The following ADGRL2 variants were observed in gnomAD, a reference collection of about 807,000 sequenced individuals.
ADGRL2 encodes adhesion G protein-coupled receptor L2, also known as calcium-independent alpha-latrotoxin receptor 2.
In ADGRL2, 44 loss-of-function variants were observed where a neutral mutation model predicts 157.4. That is an observed-to-expected ratio of 0.28 (90% CI 0.22 to 0.36). ADGRL2 has a LOEUF of 0.36. ADGRL2 is among the 10% of genes least tolerant of loss of function. The probability of loss-of-function intolerance (pLI) is 1.00; values close to 1 mark genes in which losing one functional copy is unlikely to be tolerated. For synonymous variants in ADGRL2, 585 were observed against 624.7 expected, an observed-to-expected ratio of 0.94 and a Z score of 0.95; for missense variants, 1,510 against 1,768.9, an observed-to-expected ratio of 0.85 and a Z score of 2.63.
chr1:81,352,300 A>C (rs1362219843), intron 1 of ADGRL2, among the ~76,000 whole-genome samples: 1 of 152,196 alleles, frequency 6.6e-6, no homozygotes, highest in Non-Finnish European at 1.5e-5. Flanking sequence ...CCTGAGTTTT[A>C]GTTTCTGAAA....
At chr1:81,656,436 A>G (rs955760499) in intron 3 of ADGRL2, among the ~76,000 whole-genome samples, 1 of 152,118 alleles carries the variant, frequency 6.6e-6, no homozygotes. Context: ...CAAGATTCAC[A>G]TTTTTGCCCA....
intron 3 of ADGRL2, among the ~76,000 whole-genome samples, chr1:81,684,443 G>T (rs1264910929): frequency 3.9e-5 from 6 of 152,062 alleles, no homozygotes; most frequent in Non-Finnish European, 1.5e-5. Flanking sequence ...TTTGAGAATT[G>T]TCTATTCATG....
chr1:81,882,965 A>C (rs2094026251), intron 2 of ADGRL2, among the ~76,000 whole-genome samples: 1 of 152,160 alleles, frequency 6.6e-6, no homozygotes, highest in South Asian at 2.1e-4. Flanking sequence ...TAAAGTTTTA[A>C]ATGTAGCTAT....
chr1:81,535,919 A>G (rs924300856), intron 2 of ADGRL2, among the ~76,000 whole-genome samples: 1 of 152,210 alleles, frequency 6.6e-6, no homozygotes, highest in Non-Finnish European at 1.5e-5. Context: ...CATCATGGAC[A>G]TTCTAAATGT....
chr1:81,928,290 C>G (rs1177337339), intron 3 of ADGRL2, among the ~76,000 whole-genome samples: 1 of 152,078 alleles, frequency 6.6e-6, no homozygotes, highest in East Asian at 1.9e-4. Flanking sequence ...ATTGATGATA[C>G]AAGACTATAT....
chr1:81,884,244 G>A (rs955435443), intron 2 of ADGRL2, among the ~76,000 whole-genome samples: 4 of 152,022 alleles, frequency 2.6e-5, no homozygotes, highest in Admixed American at 2.0e-4. Context: ...CAAAGTACTG[G>A]AATTACAGGC....
intron 1 of ADGRL2, among the ~76,000 whole-genome samples, chr1:81,811,975 CTT>C (rs1195287972): frequency 1.3e-5 from 2 of 151,310 alleles, no homozygotes; most frequent in Admixed American, 6.6e-5. Context: ...TCTTGGGTGA[CTT>C]TGTGAAAAGT....
At chr1:81,696,641 A>C (rs1382901283), upstream of ADGRL2, among the ~76,000 whole-genome samples, 1 of 151,994 alleles carries the variant, frequency 6.6e-6, no homozygotes, top group Non-Finnish European at 1.5e-5. Context: ...AGTCCCAGCT[A>C]CTCGGGAGGC....
At chr1:81,558,466 A>C (rs185362722) in intron 2 of ADGRL2, among the ~76,000 whole-genome samples, 1 of 152,318 alleles carries the variant, frequency 6.6e-6, no homozygotes, top group East Asian at 1.9e-4. Context: ...GTTCTCCCTT[A>C]TCTGTGGCTG....
intron 1 of ADGRL2, among the ~76,000 whole-genome samples, chr1:81,346,057 C>T (rs1416302287): frequency 6.6e-6 from 1 of 152,150 alleles, no homozygotes; most frequent in Admixed American, 6.5e-5. Flanking sequence ...ACAGTATCCA[C>T]AGTGAGTTTG....
At chr1:81,527,850 G>A (rs76071553) in intron 2 of ADGRL2, among the ~76,000 whole-genome samples, 101 of 152,138 alleles carry the variant, frequency 6.6e-4, no homozygotes, top group Non-Finnish European at 1.1e-3. Context: ...GGTGGATCAC[G>A]AGGTCAGGAG....
chr1:81,529,254 G>A (rs1314321920), intron 2 of ADGRL2, among the ~76,000 whole-genome samples: 1 of 152,204 alleles, frequency 6.6e-6, no homozygotes, highest in Non-Finnish European at 1.5e-5. Context: ...TAGTGCAGAG[G>A]TGAAGGACAG....
intron 1 of ADGRL2, among the ~76,000 whole-genome samples, chr1:81,754,678 C>T (rs2149280738): frequency 1.4e-5 from 2 of 145,394 alleles, no homozygotes; most frequent in East Asian, 4.1e-4. Context: ...TCCTCCTTTC[C>T]TCCCTTCCTC....
chr1:81,534,428 C>T lies in ADGRL2; in HGVS notation c.-247-46448C>T, dbSNP rs150616806. On this transcript the variant is annotated intron_variant, in intron 2 of 24. Coordinates refer to the ADGRL2 transcript ENST00000370721. ...CCACCAGCCTTGGCCTCCCAAAGTG[C>T]TGGGGTTACAGGCGTTAGCCACCGC... Among the ~76,000 whole-genome samples, 1,187 of 152,306 alleles carry T rather than the reference C, an allele frequency of 7.8e-3. 5 individuals are homozygous for T. Among genetic ancestry groups the T allele is most frequent in the South Asian group, 0.019 (90 of 4,828 alleles).
At chr1:81,967,418 C>T (rs1386591949) in intron 13 of ADGRL2, among the ~76,000 whole-genome samples, 1 of 152,030 alleles carries the variant, frequency 6.6e-6, no homozygotes, top group Non-Finnish European at 1.5e-5. Flanking sequence ...TCCTCCACCA[C>T]GCCTGGCTAA....
At chr1:81,369,546 C>T (rs958289684) in intron 1 of ADGRL2, among the ~76,000 whole-genome samples, 6 of 152,268 alleles carry the variant, frequency 3.9e-5, no homozygotes, top group African/African-American at 1.4e-4. Context: ...GCATGCCTCT[C>T]TATATGGGGT....
At chr1:81,927,620 T>A (rs1001341270) in intron 3 of ADGRL2, among the ~76,000 whole-genome samples, 1 of 152,000 alleles carries the variant, frequency 6.6e-6, no homozygotes, top group Non-Finnish European at 1.5e-5. Context: ...TGTTCTATAA[T>A]GCAAATTGTA....
At chr1:81,963,236 A>G (rs1017704041) in intron 11 of ADGRL2, among the ~76,000 whole-genome samples, 1 of 152,038 alleles carries the variant, frequency 6.6e-6, no homozygotes, top group African/African-American at 2.4e-5. Context: ...TGTGGTGTAT[A>G]GAAACACGAT....
intron 3 of ADGRL2, among the ~76,000 whole-genome samples, chr1:81,934,044 G>T (rs1416974726): frequency 6.6e-6 from 1 of 151,924 alleles, no homozygotes; most frequent in African/African-American, 2.4e-5. Context: ...CTGAATTCTA[G>T]AATTTTTTAT....
Sources: allele counts gnomAD v4.1 joint callset (sites outside exome capture counted in the v4.1 genomes callset), GRCh38; gene constraint gnomAD v4.1.1; transcripts MANE v1.5; gene names NCBI Gene and HGNC (gene_info 2026-07-23, HGNC 2026-07-21).